The following DOCK5 variants were observed in gnomAD, a reference collection of about 807,000 sequenced individuals.
DOCK5 encodes the protein dedicator of cytokinesis 5.
Under a neutral mutation model 251.8 loss-of-function variants are expected in DOCK5, and 142 were observed. The observed-to-expected ratio is 0.56, with a 90% CI of 0.49 to 0.65. The LOEUF (loss-of-function observed/expected upper bound fraction) is 0.65, where lower values mean the gene tolerates loss of function less well. DOCK5 is among the 30% of genes least tolerant of loss of function. DOCK5 has a pLI of 0.00. For missense variants in DOCK5, 2,111 were observed against 2,312.3 expected (o/e 0.91, Z 1.79); for synonymous variants, 842 against 835.5 (o/e 1.01, Z -0.13).
At chr8:25,388,003 C>G (rs1035644784) in intron 40 of DOCK5, among the ~76,000 whole-genome samples, 1 of 152,148 alleles carries the variant, frequency 6.6e-6, no homozygotes, top group African/African-American at 2.4e-5. Context: ...GGCTTGAGTC[C>G]CATAGACTTT....
At chr8:25,377,474 G>A in intron 38 of DOCK5, 50 bp downstream of exon 38, 1 of 1,580,614 alleles carries the variant, frequency 6.3e-7, no homozygotes, top group African/African-American at 1.3e-5. Flanking sequence ...AATGACCGCA[G>A]TATCGCAATA....
intron 6 of DOCK5, among the ~76,000 whole-genome samples, chr8:25,294,563 AT>A (rs1197848710): frequency 6.6e-6 from 1 of 152,006 alleles, no homozygotes; most frequent in Non-Finnish European, 1.5e-5. Flanking sequence ...GAGGGGAGGG[AT>A]TGCACCCACG....
At chr8:25,226,036 G>A (rs1426429698) in intron 1 of DOCK5, among the ~76,000 whole-genome samples, 1 of 152,062 alleles carries the variant, frequency 6.6e-6, no homozygotes, top group Admixed American at 6.5e-5. Flanking sequence ...GATGGTGAAT[G>A]TTATGCTATG....
At chr8:25,298,626 G>A in intron 7 of DOCK5, among the ~76,000 whole-genome samples, 1 of 152,128 alleles carries the variant, frequency 6.6e-6, no homozygotes, top group South Asian at 2.1e-4. Context: ...ATTGAGACAG[G>A]GTCTCACTTT....
intron 39 of DOCK5, among the ~76,000 whole-genome samples, chr8:25,381,972 C>T (rs984180181): frequency 6.6e-6 from 1 of 152,166 alleles, no homozygotes; most frequent in Non-Finnish European, 1.5e-5. Context: ...TCCAGACCAC[C>T]TGCATGAACT....
At chr8:25,369,695 A>G in intron 34 of DOCK5, 54 bp downstream of exon 34, 1 of 1,489,992 alleles carries the variant, frequency 6.7e-7, no homozygotes, top group Non-Finnish European at 9.2e-7. Flanking sequence ...AGTAATAGAG[A>G]AAAACAGGGG....
intron 45 of DOCK5, among the ~76,000 whole-genome samples, chr8:25,396,523 G>A (rs569463207): frequency 6.6e-6 from 1 of 152,318 alleles, no homozygotes; most frequent in East Asian, 1.9e-4. Context: ...GGGTTAGGAT[G>A]TAACAGCATT....
At chr8:25,410,922 C>CGAGAGAGAGA (rs10652253) in intron 51 of DOCK5, among the ~76,000 whole-genome samples, 55,962 of 96,162 alleles carry the variant, frequency 0.58, 17,228 homozygotes, top group South Asian at 0.7. Context: ...GATATGGCAG[C>CGAGAGAGAGA]GAGAGAGAGA....
Position 25,319,686 on chromosome 8 carries a change from A to T in DOCK5, c.1542+10A>T. 6.4e-7 allele frequency: 1 copy of T among 1,553,166 alleles called. No homozygotes were observed. The highest frequency in any genetic ancestry group is 8.8e-7 in the Non-Finnish European group (1 of 1,142,702). ...GTATGAGACTGTCAAGGTGAGAATG[A>T]GTCATTTGTAACCCCTGTTATCTGT... On this transcript the variant is annotated intron_variant, in intron 15 of 51. Transcript: ENST00000276440.
chr8:25,233,363 G>A (rs1289512044), intron 1 of DOCK5, among the ~76,000 whole-genome samples: 1 of 152,180 alleles, frequency 6.6e-6, no homozygotes, highest in African/African-American at 2.4e-5. Context: ...GCAACAAGTA[G>A]AATTGATATA....
intron 1 of DOCK5, among the ~76,000 whole-genome samples, chr8:25,223,719 G>GT (rs1274380754): frequency 6.6e-6 from 1 of 152,196 alleles, no homozygotes; most frequent in African/African-American, 2.4e-5. Context: ...ACTTACTTTT[G>GT]TAACAAATGT....
intron 50 of DOCK5, chr8:25,409,584 C>T (rs1801581648): frequency 6.4e-6 from 1 of 155,696 alleles, no homozygotes; most frequent in Non-Finnish European, 1.4e-5. Context: ...CACGGTAGCT[C>T]ACGCCTGTAA....
chr8:25,385,366 G>T (rs906968463), intron 40 of DOCK5, among the ~76,000 whole-genome samples: 25 of 152,176 alleles, frequency 1.6e-4, no homozygotes, highest in Admixed American at 7.2e-4. Context: ...GGACGTGGGG[G>T]TGGTGGCTTT....
At chr8:25,248,205 G>C (rs917181843) in intron 2 of DOCK5, among the ~76,000 whole-genome samples, 1 of 152,176 alleles carries the variant, frequency 6.6e-6, no homozygotes, top group African/African-American at 2.4e-5. Context: ...CTTGCCAGAT[G>C]TCCCATGATA....
At chr8:25,292,546 T>C (rs1042678220) in intron 6 of DOCK5, among the ~76,000 whole-genome samples, 1 of 152,156 alleles carries the variant, frequency 6.6e-6, no homozygotes, top group African/African-American at 2.4e-5. Flanking sequence ...CCCAGTAGTT[T>C]GGAACCAGCC....
chr8:25,331,797 TATATAGAGAGAGAGAGAGAG>T (rs1805687459), intron 18 of DOCK5, among the ~76,000 whole-genome samples: 1 of 40,078 alleles, frequency 2.5e-5, no homozygotes, highest in African/African-American at 5.5e-5. Flanking sequence ...TATATATATA[TATATAGAGAGAGAGAGAGAG>T]AGAGAGAGAG....
chr8:25,197,669 C>T (rs1003095503), intron 1 of DOCK5, among the ~76,000 whole-genome samples: 2 of 143,212 alleles, frequency 1.4e-5, no homozygotes, highest in Admixed American at 7.3e-5. Context: ...TTGCAACCTT[C>T]GCCTCCTGGG....
At chr8:25,324,115 G>T (rs543438319) in intron 17 of DOCK5, among the ~76,000 whole-genome samples, 164 bp downstream of exon 17, 3 of 152,182 alleles carry the variant, frequency 2.0e-5, no homozygotes, top group Non-Finnish European at 4.4e-5. Flanking sequence ...CCAGCTTTGT[G>T]GTTTCCCACC....
chr8:25,341,956 A>G lies in DOCK5; in HGVS notation c.2510+147A>G, dbSNP rs1331748484. On this transcript the variant is annotated intron_variant, in intron 24 of 51. Coordinates refer to ENST00000276440, the MANE Select transcript of DOCK5 (RefSeq NM_024940.8). ...TTGTGCTCAGTTCTGTGGAAGATGC[A>G]AAAGAACATCCAAAACCTGCCCTGA... 3 of 693,086 alleles carry G rather than the reference A, an allele frequency of 4.3e-6. No homozygotes were observed. In the African/African-American group the frequency reaches 5.4e-5, roughly 12 times the overall value. 42.9% of individuals were successfully genotyped at this position (693,086 alleles called of 1,614,324 possible).
Sources: allele counts gnomAD v4.1 joint callset (sites outside exome capture counted in the v4.1 genomes callset), GRCh38; gene constraint gnomAD v4.1.1; transcripts MANE v1.5; gene names NCBI Gene and HGNC (gene_info 2026-07-23, HGNC 2026-07-21).